Variants in AMMECR1 observed in about 807,000 individuals in gnomAD.
AMMECR1 encodes the protein AMMECR nuclear protein 1, also known as nuclear protein AMMECR1.
A neutral mutation model predicts 22.5 loss-of-function variants in AMMECR1; 3 were observed. That is an observed-to-expected ratio of 0.13 (90% CI 0.06 to 0.35). The LOEUF is 0.35. Among genes scored for constraint, AMMECR1 ranks in the 10% least tolerant of loss-of-function variants. The pLI, the probability that AMMECR1 is intolerant of heterozygous loss-of-function variation, is 1.00. For missense variants in AMMECR1, 235 were observed against 278.7 expected, an observed-to-expected ratio of 0.84 and a Z score of 1.12; for synonymous variants, 130 against 116.7, an observed-to-expected ratio of 1.11 and a Z score of -0.74.
At chrX:110,244,296 T>G (rs953792276) in intron 2 of AMMECR1, among the ~76,000 whole-genome samples, 1 of 111,802 alleles carries the variant, frequency 8.9e-6, no homozygotes, top group African/African-American at 3.3e-5. Flanking sequence ...TCCTATATAT[T>G]AATACAAGCA....
At chrX:110,202,577 T>C (rs765240698) in intron 3 of AMMECR1, 41 bp from the exon 4 acceptor site, 10 of 877,738 alleles carry the variant, frequency 1.1e-5, no homozygotes, top group Admixed American at 4.8e-5. Flanking sequence ...GTCTTCTTCA[T>C]AGAATCAGAA....
At chrX:110,297,417 T>C (rs866293705) in intron 1 of AMMECR1, among the ~76,000 whole-genome samples, 21 of 111,419 alleles carry the variant, frequency 1.9e-4, no homozygotes, top group African/African-American at 5.5e-4. Context: ...CACAGGTCAA[T>C]AGTGACAATT....
intron 2 of AMMECR1, among the ~76,000 whole-genome samples, chrX:110,226,213 G>A (rs1390478525): frequency 8.9e-6 from 1 of 111,811 alleles, no homozygotes; most frequent in African/African-American, 3.3e-5. Context: ...CATGCATTAA[G>A]TTGTTTAGTC....
intron 2 of AMMECR1, among the ~76,000 whole-genome samples, chrX:110,251,287 C>A (rs777952526): frequency 9.0e-6 from 1 of 111,518 alleles, no homozygotes; most frequent in Admixed American, 9.6e-5. Context: ...AGAGACTGAC[C>A]AATTTTCCTG....
At chrX:110,201,554 G>A (rs2067397120) in intron 4 of AMMECR1, among the ~76,000 whole-genome samples, 1 of 111,460 alleles carries the variant, frequency 9.0e-6, no homozygotes, top group Non-Finnish European at 1.9e-5. Flanking sequence ...TGACATGGAT[G>A]GTATACTAGT....
chrX:110,249,431 A>G (rs1001958787), intron 2 of AMMECR1, among the ~76,000 whole-genome samples: 2 of 111,547 alleles, frequency 1.8e-5, no homozygotes, highest in African/African-American at 6.5e-5. Flanking sequence ...TTAACCATCT[A>G]AGACCTTGTT....
chrX:110,317,164 G>C (rs1015090940), intron 1 of AMMECR1, among the ~76,000 whole-genome samples: 1 of 111,402 alleles, frequency 9.0e-6, no homozygotes, highest in Non-Finnish European at 1.9e-5. Flanking sequence ...TGGGATAGTA[G>C]TTCTCCATGT....
intron 2 of AMMECR1, among the ~76,000 whole-genome samples, chrX:110,364,501 A>T (rs769134257): frequency 1.5e-4 from 17 of 111,513 alleles, no homozygotes; most frequent in Non-Finnish European, 2.8e-4. Context: ...TTTTGTCTTT[A>T]TTTGGTTTCC....
At chrX:110,304,859 T>G (rs1441061190) in intron 1 of AMMECR1, among the ~76,000 whole-genome samples, 1 of 112,213 alleles carries the variant, frequency 8.9e-6, no homozygotes, top group Non-Finnish European at 1.9e-5. Flanking sequence ...GACCACTGTA[T>G]AATGCTCATC....
At chrX:110,410,410 G>T (rs5942920) in intron 2 of AMMECR1, among the ~76,000 whole-genome samples, 1 of 111,549 alleles carries the variant, frequency 9.0e-6, no homozygotes, top group African/African-American at 3.3e-5. Context: ...TAGGACAAGA[G>T]GAACTCGCCA....
At chrX:110,271,428 A>G (rs2067797719) in intron 1 of AMMECR1, among the ~76,000 whole-genome samples, 1 of 112,580 alleles carries the variant, frequency 8.9e-6, no homozygotes, top group South Asian at 3.6e-4. Flanking sequence ...GGGAAGGTAG[A>G]ATTTTTTGCT....
At chrX:110,269,710 A>G (rs1006312995) in intron 1 of AMMECR1, among the ~76,000 whole-genome samples, 2 of 111,938 alleles carry the variant, frequency 1.8e-5, no homozygotes, top group East Asian at 5.6e-4. Flanking sequence ...AGCTTGCAGA[A>G]GTACAGAAAT....
At chrX:110,376,895 G>A (rs1157513129) in intron 2 of AMMECR1, among the ~76,000 whole-genome samples, 1 of 111,713 alleles carries the variant, frequency 9.0e-6, no homozygotes, top group Non-Finnish European at 1.9e-5. Context: ...CTGGGAGTGG[G>A]GACGGTATGA....
intron 2 of AMMECR1, among the ~76,000 whole-genome samples, chrX:110,352,336 T>C (rs2068214334): frequency 8.9e-6 from 1 of 112,490 alleles, no homozygotes; most frequent in African/African-American, 3.2e-5. Flanking sequence ...CATGAATGGA[T>C]AAACAAATGG....
intron 3 of AMMECR1, among the ~76,000 whole-genome samples, chrX:110,204,980 T>C (rs865940788): frequency 1.8e-5 from 2 of 112,065 alleles, no homozygotes; most frequent in East Asian, 5.6e-4. Flanking sequence ...CCCCTGTAAA[T>C]TGAACTGTAA....
chrX:110,370,641 C>T (rs927123108), intron 2 of AMMECR1, among the ~76,000 whole-genome samples: 3 of 112,451 alleles, frequency 2.7e-5, no homozygotes, highest in African/African-American at 9.7e-5. Context: ...AACCTGTAGG[C>T]TTTCCCTACA....
At chrX:110,437,984 G>A (rs1269081780) in intron 1 of AMMECR1, among the ~76,000 whole-genome samples, 1 of 111,510 alleles carries the variant, frequency 9.0e-6, no homozygotes, top group East Asian at 2.8e-4. Context: ...CATTAAGTGG[G>A]TCTTATTCCC....
At chrX:110,422,136 G>A (rs1463102497) in intron 2 of AMMECR1, among the ~76,000 whole-genome samples, 2 of 113,017 alleles carry the variant, frequency 1.8e-5, no homozygotes, top group African/African-American at 6.4e-5. Flanking sequence ...CACAGAGTAA[G>A]TGCTCAACAA....
Position 110,439,208 on chromosome X carries a change from G to A in AMMECR1, c.-294+682C>T, listed in dbSNP as rs779685868. Among the ~76,000 whole-genome samples the A allele has an allele frequency of 2.7e-5, 3 of 111,869 alleles. No individual in the cohort carries two copies. In the South Asian group the frequency reaches 1.1e-3, roughly 43 times the overall value. On this transcript the variant is annotated intron_variant, in intron 1 of 7. Transcript: ENST00000372057. ...GAGCTGCTTCAGGGACTGACAAGCC[G>A]GCCAGAGACAATGTCCTCTCTCAGG...
Sources: allele counts gnomAD v4.1 joint callset (sites outside exome capture counted in the v4.1 genomes callset), GRCh38; gene constraint gnomAD v4.1.1; transcripts MANE v1.5; gene names NCBI Gene and HGNC (gene_info 2026-07-23, HGNC 2026-07-21).